EFNA5: variants seen among roughly 807,000 people sequenced by gnomAD.
EFNA5 encodes the protein ephrin-A5.
A neutral mutation model predicts 22.9 loss-of-function variants in EFNA5; 5 were observed. The ratio of observed to expected loss-of-function variants is 0.22; its 90% CI spans 0.11 to 0.46. EFNA5 has a LOEUF of 0.46. EFNA5 is among the 20% of genes least tolerant of loss of function. The pLI is 0.99. For missense variants in EFNA5, 237 were observed against 293.3 expected, an observed-to-expected ratio of 0.81 and a Z score of 1.40; for synonymous variants, 113 against 112.2, an observed-to-expected ratio of 1.01 and a Z score of -0.04.
At chr5:107,505,600 G>C (rs1466088462) in intron 1 of EFNA5, among the ~76,000 whole-genome samples, 1 of 152,120 alleles carries the variant, frequency 6.6e-6, no homozygotes, top group Non-Finnish European at 1.5e-5. Context: ...ATATCACTAA[G>C]AGATATCATT....
intron 1 of EFNA5, among the ~76,000 whole-genome samples, chr5:107,625,786 C>A (rs930065311): frequency 2.0e-5 from 3 of 152,122 alleles, no homozygotes; most frequent in African/African-American, 7.2e-5. Context: ...CCTCAGCTAC[C>A]CCTAAATTAA....
At chr5:107,490,233 T>C (rs1471554620) in intron 1 of EFNA5, among the ~76,000 whole-genome samples, 3 of 152,162 alleles carry the variant, frequency 2.0e-5, no homozygotes, top group Non-Finnish European at 4.4e-5. Flanking sequence ...CATAGTGAAC[T>C]TGCTTCACAC....
At chr5:107,587,999 G>C (rs17160223) in intron 1 of EFNA5, among the ~76,000 whole-genome samples, 2,265 of 152,212 alleles carry the variant, frequency 0.015, 49 homozygotes, top group African/African-American at 0.052. Flanking sequence ...GTGCACAAAA[G>C]AAAGTAACTA....
At position 107,448,041 on chromosome 5, in the gene EFNA5, C is replaced by A. The variant is rs555522334; in HGVS notation, c.126-20532G>T. On this transcript the variant is annotated intron_variant, in intron 1 of 4. Coordinates refer to ENST00000333274, the MANE Select transcript of EFNA5 (RefSeq NM_001962.3). The stretch of plus-strand genomic sequence containing the variant: ...TTTGACTCCTAACCTCATGATCCAC[C>A]CACCTCAGCCTCCCAAAGTGCTGGG... 3.9e-5 allele frequency among the ~76,000 whole-genome samples: 6 copies of A among 152,152 alleles called. No homozygotes were observed. In the South Asian group the frequency reaches 1.2e-3, roughly 32 times the overall value.
At chr5:107,624,382 C>A (rs1297591639) in intron 1 of EFNA5, among the ~76,000 whole-genome samples, 3 of 152,072 alleles carry the variant, frequency 2.0e-5, no homozygotes, top group Admixed American at 2.0e-4. Flanking sequence ...TAATAGAATT[C>A]AAAAGTTTTA....
At chr5:107,405,586 C>G (rs914168665) in intron 2 of EFNA5, among the ~76,000 whole-genome samples, 10 of 152,102 alleles carry the variant, frequency 6.6e-5, no homozygotes, top group African/African-American at 2.4e-4. Context: ...CCAAAAATTA[C>G]TTACTTTAAC....
intron 2 of EFNA5, among the ~76,000 whole-genome samples, chr5:107,398,683 T>C (rs776167152): frequency 6.6e-6 from 1 of 151,362 alleles, no homozygotes; most frequent in Non-Finnish European, 1.5e-5. Context: ...CCTGTCTCTA[T>C]ATAAAAAAAA....
chr5:107,435,059 T>A (rs1316031828), intron 1 of EFNA5, among the ~76,000 whole-genome samples: 1 of 152,226 alleles, frequency 6.6e-6, no homozygotes, highest in Non-Finnish European at 1.5e-5. Flanking sequence ...TGTCTTCAAA[T>A]TCTACTATTA....
Position 107,403,023 on chromosome 5 carries a change from T to C in EFNA5, c.419-15252A>G, listed in dbSNP as rs566888870. 7.1e-4 allele frequency among the ~76,000 whole-genome samples: 108 copies of C among 152,302 alleles called. 1 individual carries two copies. In the Middle Eastern group the frequency reaches 0.014, roughly 19 times the overall value. On this transcript the variant is annotated intron_variant, in intron 2 of 4. Coordinates refer to ENST00000333274, the MANE Select transcript of EFNA5 (RefSeq NM_001962.3). Reference sequence around the variant, plus strand: ...TGTGAAATATGAACTTGCCAACAAATGGCCAGCGTGCTGTGCCTCGCAGCA... The same window carrying C: ...TGTGAAATATGAACTTGCCAACAAACGGCCAGCGTGCTGTGCCTCGCAGCA...
Position 107,458,280 on chromosome 5 carries a change from C to T in EFNA5, c.126-30771G>A, listed in dbSNP as rs1261043476. Reference sequence around the variant, plus strand: ...ACCTTCCCTGAGCTTTAACTATGTGCTATGTATCACCTTGGACTGTGGGGT... The same window carrying T: ...ACCTTCCCTGAGCTTTAACTATGTGTTATGTATCACCTTGGACTGTGGGGT... On this transcript the variant is annotated intron_variant, in intron 1 of 4. Transcript: ENST00000333274. Among the ~76,000 whole-genome samples the T allele has an allele frequency of 3.3e-5, 5 of 152,230 alleles. No homozygotes were observed. The East Asian group carries it at 7.7e-4, about 24-fold the overall frequency.
intron 1 of EFNA5, among the ~76,000 whole-genome samples, chr5:107,623,837 G>A (rs551479102): frequency 1.3e-5 from 2 of 152,072 alleles, no homozygotes; most frequent in African/African-American, 4.8e-5. Context: ...AAGTTTTGTG[G>A]TAAAGACTTA....
At chr5:107,654,138 A>T (rs2112555042) in intron 1 of EFNA5, among the ~76,000 whole-genome samples, 1 of 152,228 alleles carries the variant, frequency 6.6e-6, no homozygotes, top group East Asian at 1.9e-4. Context: ...AAAAGTCACA[A>T]ATACTCTCTT....
chr5:107,565,089 C>T (rs1228641511), intron 1 of EFNA5, among the ~76,000 whole-genome samples: 1 of 152,124 alleles, frequency 6.6e-6, no homozygotes, highest in Non-Finnish European at 1.5e-5. Context: ...CTAATTGGCA[C>T]CAACCAGGAA....
intron 1 of EFNA5, among the ~76,000 whole-genome samples, chr5:107,591,731 G>C (rs992294146): frequency 1.7e-4 from 24 of 144,326 alleles, no homozygotes; most frequent in African/African-American, 5.8e-4. Flanking sequence ...TGAGGCAGGA[G>C]AATTGCTTGA....
chr5:107,570,672 T>G lies in EFNA5; in HGVS notation c.125+99817A>C, dbSNP rs547591021. On this transcript the variant is annotated intron_variant, in intron 1 of 4. Transcript: ENST00000333274. ...GTGTGGGGGTGGGGGCGGGCAGGTA[T>G]TAATGATTCTAATAGTAGAAAAAGA... 2.0e-5 allele frequency among the ~76,000 whole-genome samples: 3 copies of G among 152,142 alleles called. No homozygotes were observed. The East Asian group carries it at 5.8e-4, about 29-fold the overall frequency.
At chr5:107,550,189 C>A (rs1206939696) in intron 1 of EFNA5, among the ~76,000 whole-genome samples, 1 of 152,206 alleles carries the variant, frequency 6.6e-6, no homozygotes, top group East Asian at 1.9e-4. Context: ...GTACACAAAA[C>A]TGTGGTCCTG....
At chr5:107,588,455 C>T (rs1165052557) in intron 1 of EFNA5, among the ~76,000 whole-genome samples, 1 of 152,164 alleles carries the variant, frequency 6.6e-6, no homozygotes, top group Non-Finnish European at 1.5e-5. Context: ...GCTGATTCCG[C>T]TCGAGCCATG....
intron 1 of EFNA5, among the ~76,000 whole-genome samples, chr5:107,475,837 C>T (rs1376791094): frequency 1.3e-5 from 2 of 151,388 alleles, no homozygotes; most frequent in Non-Finnish European, 2.9e-5. Flanking sequence ...AATACCCAGG[C>T]TGAACTGTTT....
intron 1 of EFNA5, among the ~76,000 whole-genome samples, chr5:107,567,404 T>G (rs1350244902): frequency 6.6e-6 from 1 of 152,222 alleles, no homozygotes; most frequent in African/African-American, 2.4e-5. Flanking sequence ...TTCAATGACC[T>G]TGGGCTTACC....
Sources: gnomAD v4.1 joint callset for allele counts (sites outside exome capture counted in the v4.1 genomes callset) on GRCh38, gnomAD v4.1.1 for gene constraint, MANE v1.5 for transcripts, NCBI Gene and HGNC (gene_info 2026-07-23, HGNC 2026-07-21) for gene names.